NFXL1: variants seen among roughly 807,000 people sequenced by gnomAD.
The protein encoded by NFXL1 is nuclear transcription factor, X-box binding like 1.
Under a neutral mutation model 123.3 loss-of-function variants are expected in NFXL1, and 66 were observed. That is an observed-to-expected ratio of 0.54 (90% CI 0.44 to 0.66). The LOEUF (loss-of-function observed/expected upper bound fraction) is 0.66. Ranked by LOEUF, NFXL1 falls within the 30% of genes least tolerant of loss-of-function variation. The pLI is 0.00. For missense variants in NFXL1, 944 were observed against 1,125.6 expected (o/e 0.84, Z 2.31); for synonymous variants, 346 against 360.8 (o/e 0.96, Z 0.46).
intron 18 of NFXL1, among the ~76,000 whole-genome samples, chr4:47,873,260 C>A (rs1286453681): frequency 2.0e-5 from 3 of 152,174 alleles, no homozygotes; most frequent in Admixed American, 6.5e-5. Flanking sequence ...GGGCTGGAAT[C>A]AACTTCTTCC....
intron 11 of NFXL1, among the ~76,000 whole-genome samples, chr4:47,893,746 A>C (rs1736914758): frequency 6.6e-6 from 1 of 152,172 alleles, no homozygotes; most frequent in African/African-American, 2.4e-5. Context: ...TCTATACAAA[A>C]AGATGAAAAG....
At chr4:47,851,820 C>A in intron 21 of NFXL1, 36 bp downstream of exon 21, 2 of 1,260,534 alleles carry the variant, frequency 1.6e-6, no homozygotes, top group Admixed American at 3.5e-5. Flanking sequence ...AGGGAAAGGC[C>A]ACTAGTCTTT....
rs1737266195 is a variant in NFXL1 at position 47,899,398 on chromosome 4, G to A, written c.798C>T (p.Gly266=). Residue 266 remains glycine (G), a synonymous_variant, in exon 6 of 23, where the codon GGC becomes GGT. Coordinates refer to ENST00000507489, the MANE Select transcript of NFXL1 (RefSeq NM_001278624.2). ...VCEREFKPPC[G]HKCLLLCHPG... ...GATGACAGAGGAGTAAACATTTATG[G>A]CCACAAGGAGGTTTAAATTCACGCT... is the stretch of plus-strand genomic sequence containing the variant. 4 of 1,613,698 alleles carry A rather than the reference G, an allele frequency of 2.5e-6. No homozygotes were observed. Among genetic ancestry groups the A allele is most frequent in the Non-Finnish European group, 2.5e-6 (3 of 1,179,724 alleles).
Position 47,847,522 on chromosome 4 carries a change from A to G in NFXL1, c.*641T>C, listed in dbSNP as rs1211335340. On this transcript the variant is annotated 3_prime_UTR_variant, in exon 23 of 23. Coordinates refer to ENST00000507489, the MANE Select transcript of NFXL1 (RefSeq NM_001278624.2). ...ACACGCAAGTTTTACGAAACATGCCAACTTCAGTTAAAAGCTTCTTACATA... is the reference window on the plus strand; with the variant it reads ...ACACGCAAGTTTTACGAAACATGCCGACTTCAGTTAAAAGCTTCTTACATA... 1 of 152,234 alleles carries G rather than the reference A, an allele frequency of 6.6e-6. No individual in the cohort carries two copies. The highest frequency in any genetic ancestry group is 1.5e-5 in the Non-Finnish European group (1 of 68,034). 9.4% of individuals were successfully genotyped at this position (152,234 alleles called of 1,614,324 possible). A position where few individuals can be genotyped will look rare whatever the true frequency, so the allele number is the denominator to read the frequency against.
At chr4:47,883,252 A>G (rs894279151) in intron 15 of NFXL1, among the ~76,000 whole-genome samples, 1 of 152,128 alleles carries the variant, frequency 6.6e-6, no homozygotes, top group Non-Finnish European at 1.5e-5. Context: ...AAGAAAAAAA[A>G]ACAAAAAAAA....
chr4:47,904,979 G>A (rs1465571510), intron 4 of NFXL1, among the ~76,000 whole-genome samples: 1 of 152,118 alleles, frequency 6.6e-6, no homozygotes, highest in Non-Finnish European at 1.5e-5. Flanking sequence ...TGCTAAAAAT[G>A]TTCTATCAAA....
At chr4:47,853,630 T>C (rs537245981) in intron 20 of NFXL1, among the ~76,000 whole-genome samples, 22 of 152,184 alleles carry the variant, frequency 1.4e-4, no homozygotes, top group African/African-American at 4.8e-4. Flanking sequence ...AGGAAAAACA[T>C]ATTGTATTTT....
chr4:47,867,530 A>G (rs545843601), intron 18 of NFXL1, among the ~76,000 whole-genome samples: 2 of 152,314 alleles, frequency 1.3e-5, no homozygotes, highest in Admixed American at 1.3e-4. Context: ...TAATCCAGGA[A>G]AATAAAAATA....
chr4:47,859,986 G>C (rs12332075), intron 19 of NFXL1, among the ~76,000 whole-genome samples: 1 of 151,868 alleles, frequency 6.6e-6, no homozygotes, highest in African/African-American at 2.4e-5. Flanking sequence ...CTGAAGGACA[G>C]AAGGGGATTG....
chr4:47,895,954 T>C (rs1196241331), intron 10 of NFXL1, among the ~76,000 whole-genome samples: 3 of 152,200 alleles, frequency 2.0e-5, no homozygotes, highest in African/African-American at 7.2e-5. Context: ...TGTAGAGTTA[T>C]CAATTGGCCT....
At chr4:47,878,726 A>G (rs1735903085) in intron 16 of NFXL1, 61 bp from the exon 17 acceptor site, 4 of 1,253,196 alleles carry the variant, frequency 3.2e-6, no homozygotes, top group African/African-American at 1.5e-5. Flanking sequence ...GACATATTAT[A>G]TGTTTCCAAA....
Position 47,910,944 on chromosome 4 carries a change from C to T in NFXL1, c.286G>A (p.Ala96Thr), listed in dbSNP as rs750038338. Residue 96 changes from alanine to threonine, a missense_variant, in exon 3 of 23, where the codon GCA becomes ACA. Physicochemically the swap from Ala to Thr is moderately conservative, Grantham distance 58. This residue lies in a region of NFXL1 where 303 missense variants were observed against 292.1 expected (regional missense o/e 1.04). Coordinates refer to ENST00000507489, the MANE Select transcript of NFXL1 (RefSeq NM_001278624.2). ...TGTTCTTCAACAAGTTTTCTGGCTG[C>T]AGCTTGGTTAGCTTTCTTGATTTCT... Reference protein sequence around the residue: ...FEEIKKANQAAARKLVEEQFS... With the variant: ...FEEIKKANQATARKLVEEQFS... 4 of 1,608,736 alleles carry T rather than the reference C, an allele frequency of 2.5e-6. No individual in the cohort carries two copies. Among genetic ancestry groups the T allele is most frequent in the Non-Finnish European group, 3.4e-6 (4 of 1,177,846 alleles).
intron 18 of NFXL1, among the ~76,000 whole-genome samples, chr4:47,870,654 T>A (rs1049373653): frequency 6.6e-6 from 1 of 151,524 alleles, no homozygotes; most frequent in Non-Finnish European, 1.5e-5. Flanking sequence ...TAAAATAAAT[T>A]TTAAAATGGT....
At chr4:47,878,504 C>T (rs1735888596) in intron 17 of NFXL1, 21 bp downstream of exon 17, 1 of 1,513,620 alleles carries the variant, frequency 6.6e-7, no homozygotes, top group East Asian at 2.4e-5. Flanking sequence ...GGCAGATATA[C>T]ATTCAATCTA....
intron 15 of NFXL1, among the ~76,000 whole-genome samples, chr4:47,880,188 G>T (rs1275270071): frequency 1.3e-5 from 2 of 151,952 alleles, no homozygotes; most frequent in Non-Finnish European, 2.9e-5. Context: ...CTGAGCACAG[G>T]AGTTTCAAGC....
intron 3 of NFXL1, among the ~76,000 whole-genome samples, chr4:47,909,134 C>G (rs772505798): frequency 6.6e-6 from 1 of 152,032 alleles, no homozygotes; most frequent in Non-Finnish European, 1.5e-5. Context: ...TTCATTTCAT[C>G]CTAACAACTC....
intron 2 of NFXL1, among the ~76,000 whole-genome samples, chr4:47,912,186 A>G (rs1455939383): frequency 6.6e-6 from 1 of 152,230 alleles, no homozygotes; most frequent in African/African-American, 2.4e-5. Flanking sequence ...GTACTGGGAA[A>G]AAAGAACTGG....
intron 15 of NFXL1, among the ~76,000 whole-genome samples, chr4:47,881,487 A>T (rs1736112434): frequency 1.3e-5 from 2 of 152,190 alleles, no homozygotes; most frequent in Non-Finnish European, 2.9e-5. Context: ...ACAAAGCTAA[A>T]CAAAGTCTTA....
upstream of NFXL1, chr4:47,914,624 G>A (rs1053072436): frequency 1.3e-4 from 20 of 153,292 alleles, no homozygotes; most frequent in Admixed American, 4.6e-4. Flanking sequence ...GACTGCGCAC[G>A]CCCCCAACAG....
Sources: gnomAD v4.1 joint callset for allele counts (sites outside exome capture counted in the v4.1 genomes callset) on GRCh38, gnomAD v4.1.1 for gene constraint, gnomAD v4.1.1 regional missense constraint, MANE v1.5 for transcripts, NCBI Gene and HGNC (gene_info 2026-07-23, HGNC 2026-07-21) for gene names.